ITGA4: variants seen among roughly 807,000 people sequenced by gnomAD.
ITGA4 encodes the protein integrin alpha-4.
ITGA4 carries 63 observed loss-of-function variants against 133.6 expected under a neutral mutation model. The observed-to-expected ratio is 0.47, with a 90% CI of 0.38 to 0.58. ITGA4 has a LOEUF of 0.58. Ranked by LOEUF, ITGA4 falls within the 20% of genes least tolerant of loss-of-function variation. The pLI is 0.00. For synonymous variants in ITGA4, 483 were observed against 438.0 expected (o/e 1.10, Z -1.28); for missense variants, 1,076 against 1,252.7 (o/e 0.86, Z 2.13).
In ITGA4 at chr2:181,537,757, T is replaced by C. The variant is rs1299285203; in HGVS notation, c.*2230T>C. 4.5e-6 allele frequency: 2 copies of C among 447,262 alleles called. No individual in the cohort carries two copies. Among genetic ancestry groups the C allele is most frequent in the Admixed American group, 4.8e-5 (2 of 41,344 alleles). The allele number at this position is 447,262 out of a possible 1,614,324, so 27.7% of individuals were successfully genotyped here. ...CACATTGTAAAAAAAAGAATTTGAA[T>C]TGATATCTAAAAACAGAATTTGAAT... is the stretch of plus-strand genomic sequence containing the variant. On this transcript the variant is annotated 3_prime_UTR_variant, in exon 28 of 28. Transcript: ENST00000397033.
Position 181,482,525 on chromosome 2 carries a change from C to T in ITGA4, c.915C>T (p.Tyr305=). 3 of 1,613,684 alleles carry T rather than the reference C, an allele frequency of 1.9e-6. No homozygotes were observed. The highest frequency in any genetic ancestry group is 1.1e-5 in the South Asian group (1 of 91,072). ...HEMKGKKLGS[Y]FGASVCAVDL... ...TTGTTTTGGGACAGCTTGGATCGTA[C>T]TTTGGAGCTTCTGTCTGTGCTGTGG... The change falls in exon 9 of 28, where the codon TAC becomes TAT. Residue 305 remains tyrosine (Y), a synonymous_variant. Coordinates refer to ENST00000397033, the MANE Select transcript of ITGA4 (RefSeq NM_000885.6).
chr2:181,471,192 G>C (rs945078927), intron 2 of ITGA4, among the ~76,000 whole-genome samples: 1 of 152,108 alleles, frequency 6.6e-6, no homozygotes, highest in African/African-American at 2.4e-5. Context: ...CACACATTTT[G>C]AATTAAGATA....
At chr2:181,474,434 A>G (rs543840665) in intron 2 of ITGA4, among the ~76,000 whole-genome samples, 1 of 152,332 alleles carries the variant, frequency 6.6e-6, no homozygotes, top group South Asian at 2.1e-4. Flanking sequence ...TTATAAACGC[A>G]AGGCATTATT....
chr2:181,536,624 T>C lies in ITGA4; in HGVS notation c.*1097T>C, dbSNP rs202127707. 10 of 161,212 alleles carry C rather than the reference T, an allele frequency of 6.2e-5. No homozygotes were observed. Among genetic ancestry groups the C allele is most frequent in the Non-Finnish European group, 1.4e-4 (10 of 73,734 alleles). 10.0% of individuals were successfully genotyped at this position (161,212 alleles called of 1,614,324 possible). ...TAAATTCATAAATTTAGCTGAAAGA[T>C]ACTGATTCAATTTGTATACAGTGAA... On this transcript the variant is annotated 3_prime_UTR_variant, in exon 28 of 28. Coordinates refer to ENST00000397033, the MANE Select transcript of ITGA4 (RefSeq NM_000885.6).
chr2:181,488,186 C>T (rs934329384), intron 10 of ITGA4, among the ~76,000 whole-genome samples: 1 of 152,188 alleles, frequency 6.6e-6, no homozygotes, highest in Non-Finnish European at 1.5e-5. Flanking sequence ...CAAAATTACT[C>T]TATACCTGGG....
chr2:181,471,307 G>C (rs952838913), intron 2 of ITGA4, among the ~76,000 whole-genome samples: 1 of 151,030 alleles, frequency 6.6e-6, no homozygotes. Flanking sequence ...GCTGTTTGTC[G>C]GGGGTGGGAT....
At chr2:181,460,566 A>AATGTGT (rs79689303) in intron 2 of ITGA4, among the ~76,000 whole-genome samples, 4,850 of 148,036 alleles carry the variant, frequency 0.033, 113 homozygotes, top group Middle Eastern at 0.051. Flanking sequence ...TCTGTAGAAG[A>AATGTGT]GTGTGTGTGT....
chr2:181,458,423 T>C, intron 2 of ITGA4, 106 bp downstream of exon 2: 1 of 1,332,324 alleles, frequency 7.5e-7, no homozygotes, highest in South Asian at 1.3e-5. Context: ...ACTTCTGGTT[T>C]AAAGAGCATA....
chr2:181,466,680 G>A (rs1262048488), intron 2 of ITGA4, among the ~76,000 whole-genome samples: 1 of 152,114 alleles, frequency 6.6e-6, no homozygotes, highest in South Asian at 2.1e-4. Context: ...TGTGAAAAGA[G>A]TACATAGTTT....
intron 22 of ITGA4, among the ~76,000 whole-genome samples, chr2:181,528,050 C>T (rs1686870458): frequency 6.6e-6 from 1 of 152,064 alleles, no homozygotes. Context: ...ATTCTTTGAA[C>T]CAAAAGCACT....
intron 2 of ITGA4, 42 bp downstream of exon 2, chr2:181,458,359 C>T (rs773206388): frequency 1.3e-6 from 2 of 1,594,608 alleles, no homozygotes; most frequent in Admixed American, 1.7e-5. Context: ...CCTCCCGACC[C>T]CCCATGTGGA....
chr2:181,476,668 ACT>A (rs749169515), intron 4 of ITGA4, among the ~76,000 whole-genome samples: 10 of 152,244 alleles, frequency 6.6e-5, no homozygotes, highest in Non-Finnish European at 1.0e-4. Context: ...AAGAAAGGAC[ACT>A]CTCTTCAATT....
In ITGA4 at chr2:181,537,977, A is replaced by C; in HGVS notation, c.*2450A>C. 1.5e-6 allele frequency: 1 copy of C among 663,228 alleles called. No homozygotes were observed. The highest frequency in any genetic ancestry group is 2.8e-6 in the Non-Finnish European group (1 of 354,518). The allele number at this position is 663,228 out of a possible 1,614,324, so 41.1% of individuals were successfully genotyped here. On this transcript the variant is annotated 3_prime_UTR_variant, in exon 28 of 28. Transcript: ENST00000397033. ...CATATGGTGAACTGGTATGTGAGGG[A>C]TCTAGAGTGCCATGTTCCTCAAGAG...
chr2:181,470,586 A>C (rs1378695345), intron 2 of ITGA4, among the ~76,000 whole-genome samples: 1 of 152,218 alleles, frequency 6.6e-6, no homozygotes, highest in Non-Finnish European at 1.5e-5. Flanking sequence ...GTCAAGGCTG[A>C]GTACTGAGTG....
Position 181,529,712 on chromosome 2 carries a change from C to A in ITGA4, c.2538+64C>A, listed in dbSNP as rs1018953403. 52 of 828,098 alleles carry A rather than the reference C, an allele frequency of 6.3e-5. No homozygotes were observed. In the African/African-American group the frequency reaches 6.7e-4, roughly 11 times the overall value. 51.3% of individuals were successfully genotyped at this position (828,098 alleles called of 1,614,324 possible). A position where few individuals can be genotyped will look rare whatever the true frequency, so the allele number is the denominator to read the frequency against. On this transcript the variant is annotated intron_variant, in intron 23 of 27. Coordinates refer to ENST00000397033, the MANE Select transcript of ITGA4 (RefSeq NM_000885.6). ...TCTTAAATACTAAAATAAATGCAAA[C>A]CAATCCTTTATTCGAGTAATGATGT...
chr2:181,468,241 C>A (rs1685467537), intron 2 of ITGA4, among the ~76,000 whole-genome samples: 1 of 152,134 alleles, frequency 6.6e-6, no homozygotes. Context: ...GAGACTGTTT[C>A]CTTTCAGACC....
In ITGA4 at chr2:181,473,804, C is replaced by A. The variant is rs141526440; in HGVS notation, c.320-1156C>A. On this transcript the variant is annotated intron_variant, in intron 2 of 27. Transcript: ENST00000397033. ...TAACATAGTGAGACCCCCATTGGTA[C>A]CAAAATAAAAATATTAGTTTGTATC... Among the ~76,000 whole-genome samples the A allele has an allele frequency of 6.6e-3, 1,009 of 152,140 alleles. 9 individuals carry two copies. Among genetic ancestry groups the A allele is most frequent in the Non-Finnish European group, 0.011 (770 of 68,000 alleles).
rs1686141643 is a variant in ITGA4, at chr2:181,495,603, T to C, written c.1386-180T>C. Among the ~76,000 whole-genome samples the C allele has an allele frequency of 6.6e-6, 1 of 152,192 alleles. No homozygotes were observed. Among genetic ancestry groups the C allele is most frequent in the Non-Finnish European group, 1.5e-5 (1 of 68,036 alleles). ...TATAATTAAATCATCAAAGTCAATA[T>C]TTTTAGACATTTAAATAAAAAGTTA... On this transcript the variant is annotated intron_variant, in intron 13 of 27. Transcript: ENST00000397033. The surrounding 1 kb of genome is among the most constrained non-coding windows in gnomAD (Gnocchi z 4.3).
At position 181,480,276 on chromosome 2, in the gene ITGA4, A is replaced by C. The variant is rs147352104; in HGVS notation, c.754+10A>C. ...TTTGGAAGTTATTTAGGTACTATAA[A>C]AATTGACAAACTTAAATGATCTGTG... On this transcript the variant is annotated intron_variant, in intron 6 of 27. Coordinates refer to ENST00000397033, the MANE Select transcript of ITGA4 (RefSeq NM_000885.6). 2,987 of 1,358,832 alleles carry C rather than the reference A, an allele frequency of 2.2e-3. 35 individuals are homozygous for C. The African/African-American group carries it at 0.037, about 17-fold the overall frequency. The allele number at this position is 1,358,832 out of a possible 1,614,324, so 84.2% of individuals were successfully genotyped here.
Sources: gnomAD v4.1 joint callset for allele counts (sites outside exome capture counted in the v4.1 genomes callset) on GRCh38, gnomAD v4.1.1 for gene constraint, Gnocchi (gnomAD v3.1) non-coding constraint, MANE v1.5 for transcripts, NCBI Gene and HGNC (gene_info 2026-07-23, HGNC 2026-07-21) for gene names.